The following TTC33 variants were observed in gnomAD, a reference collection of about 807,000 sequenced individuals.
TTC33 encodes tetratricopeptide repeat protein 33.
In TTC33, 24 loss-of-function variants were observed where a neutral mutation model predicts 29.4. The observed-to-expected ratio is 0.82, with a 90% CI of 0.59 to 1.15. The LOEUF is 1.15. Ranked by LOEUF, TTC33 falls within the 50% of genes most tolerant of loss-of-function variation. The pLI is 0.00. For synonymous variants in TTC33, 107 were observed against 100.3 expected, an observed-to-expected ratio of 1.07 and a Z score of -0.40; for missense variants, 286 against 310.4, an observed-to-expected ratio of 0.92 and a Z score of 0.59.
rs1050716531 is a variant in TTC33, at chr5:40,716,452, G to C, written c.482C>G (p.Pro161Arg). ...AGAGAGGTCTTCTTTCCATATTTCAGGGTTCATTGGATAGATGTGAAGGGC... is the reference window on the plus strand; with the variant it reads ...AGAGAGGTCTTCTTTCCATATTTCACGGTTCATTGGATAGATGTGAAGGGC... ...QVALHIYPMN[P>R]EIWKEDLSWA... Residue 161 changes from proline to arginine, a missense_variant, in exon 5 of 5, where the codon CCT becomes CGT. Physicochemically the swap from Pro to Arg is moderately radical, Grantham distance 103 (BLOSUM62 -2). Coordinates refer to ENST00000337702, the MANE Select transcript of TTC33 (RefSeq NM_012382.3). 6.2e-7 allele frequency: 1 copy of C among 1,613,310 alleles called. No individual in the cohort carries two copies. The highest frequency in any genetic ancestry group is 8.5e-7 in the Non-Finnish European group (1 of 1,179,866).
chr5:40,739,374 C>A (rs1478957206), intron 2 of TTC33, among the ~76,000 whole-genome samples: 1 of 152,134 alleles, frequency 6.6e-6, no homozygotes, highest in Non-Finnish European at 1.5e-5. Context: ...ATACTATCTT[C>A]CAATCTATGA....
At chr5:40,752,852 G>A (rs1198955438) in intron 1 of TTC33, among the ~76,000 whole-genome samples, 1 of 152,142 alleles carries the variant, frequency 6.6e-6, no homozygotes, top group Non-Finnish European at 1.5e-5. Context: ...CTTGCAATGT[G>A]CAAAAACGCA....
intron 2 of TTC33, among the ~76,000 whole-genome samples, chr5:40,732,927 T>G (rs541762568): frequency 6.6e-6 from 1 of 152,190 alleles, no homozygotes; most frequent in Non-Finnish European, 1.5e-5. Flanking sequence ...AGATTCTATC[T>G]ACCTCATTTG....
intron 2 of TTC33, among the ~76,000 whole-genome samples, chr5:40,735,167 A>C (rs1477496219): frequency 6.6e-6 from 1 of 152,240 alleles, no homozygotes; most frequent in East Asian, 1.9e-4. Flanking sequence ...AGCCATAGTT[A>C]TGCATGTGGA....
At chr5:40,748,340 G>C (rs1742837342) in intron 1 of TTC33, among the ~76,000 whole-genome samples, 1 of 152,122 alleles carries the variant, frequency 6.6e-6, no homozygotes, top group African/African-American at 2.4e-5. Flanking sequence ...GGGATTACAG[G>C]CATGCGTCAC....
chr5:40,720,093 A>G (rs1354157402), intron 4 of TTC33, among the ~76,000 whole-genome samples: 1 of 152,188 alleles, frequency 6.6e-6, no homozygotes, highest in East Asian at 1.9e-4. Context: ...TTCCAATGTC[A>G]TATCTAAAAA....
chr5:40,753,999 C>T (rs1380390122), intron 1 of TTC33, among the ~76,000 whole-genome samples: 6 of 151,886 alleles, frequency 4.0e-5, no homozygotes, highest in African/African-American at 1.5e-4. Context: ...AAGTGAGAAA[C>T]AGACCCACAC....
intron 4 of TTC33, among the ~76,000 whole-genome samples, chr5:40,724,721 C>A (rs1294047095): frequency 6.6e-6 from 1 of 151,976 alleles, no homozygotes; most frequent in African/African-American, 2.4e-5. Flanking sequence ...AAACTCAATT[C>A]TTAAGTGTCA....
chr5:40,752,380 G>A (rs1742912490), intron 1 of TTC33, among the ~76,000 whole-genome samples: 1 of 152,210 alleles, frequency 6.6e-6, no homozygotes, highest in South Asian at 2.1e-4. Flanking sequence ...TGGTGCAAGA[G>A]GCCTAGCTTT....
At chr5:40,734,618 G>A (rs1426948976) in intron 2 of TTC33, among the ~76,000 whole-genome samples, 1 of 152,180 alleles carries the variant, frequency 6.6e-6, no homozygotes, top group Non-Finnish European at 1.5e-5. Flanking sequence ...AATGTGTTTA[G>A]CTACTTTACT....
intron 1 of TTC33, among the ~76,000 whole-genome samples, chr5:40,751,077 G>A (rs929172952): frequency 6.6e-6 from 1 of 152,172 alleles, no homozygotes; most frequent in Admixed American, 6.5e-5. Flanking sequence ...TATTCCTAAT[G>A]GTTATCTAGA....
At chr5:40,735,531 T>G (rs1039394346) in intron 2 of TTC33, among the ~76,000 whole-genome samples, 10 of 152,184 alleles carry the variant, frequency 6.6e-5, no homozygotes, top group Non-Finnish European at 1.5e-4. Context: ...AAATCTTTAT[T>G]GAGTGGATAG....
chr5:40,718,716 C>T (rs988697865), intron 4 of TTC33, among the ~76,000 whole-genome samples: 6 of 150,782 alleles, frequency 4.0e-5, no homozygotes, highest in African/African-American at 9.8e-5. Flanking sequence ...TCAGCCTGGG[C>T]GACAGAGCAA....
intron 4 of TTC33, among the ~76,000 whole-genome samples, chr5:40,723,511 T>C (rs1221040173): frequency 1.4e-5 from 1 of 69,634 alleles, no homozygotes; most frequent in Admixed American, 1.7e-4. Context: ...CTAACTCAAA[T>C]TAAAAAAAAA....
chr5:40,739,330 A>C (rs1742643000), intron 2 of TTC33, among the ~76,000 whole-genome samples: 1 of 152,234 alleles, frequency 6.6e-6, no homozygotes, highest in Non-Finnish European at 1.5e-5. Context: ...CTGAGTTTAC[A>C]GATCAATTTC....
At position 40,739,333 on chromosome 5, in the gene TTC33, T is replaced by C. The variant is rs186286133; in HGVS notation, c.221+7465A>G. 4.2e-3 allele frequency among the ~76,000 whole-genome samples: 633 copies of C among 152,312 alleles called. 3 individuals are homozygous for C. Among genetic ancestry groups the C allele is most frequent in the African/African-American group, 0.015 (607 of 41,564 alleles). The stretch of plus-strand genomic sequence containing the variant: ...ATTGGAATTGCACTGAGTTTACAGA[T>C]CAATTTCGGGAGAACTGATGTATTA... On this transcript the variant is annotated intron_variant, in intron 2 of 4. Coordinates refer to ENST00000337702, the MANE Select transcript of TTC33 (RefSeq NM_012382.3).
At chr5:40,755,553 G>A (rs1742969697) in intron 1 of TTC33, among the ~76,000 whole-genome samples, 1 of 152,198 alleles carries the variant, frequency 6.6e-6, no homozygotes, top group African/African-American at 2.4e-5. Flanking sequence ...GCGCAGCTCC[G>A]CGAAGGTGCC....
rs1741972293 is a variant in TTC33, at chr5:40,715,107, T to G, written c.*1038A>C. 6.6e-6 allele frequency: 1 copy of G among 152,094 alleles called. No homozygotes were observed. Among genetic ancestry groups the G allele is most frequent in the Non-Finnish European group, 1.5e-5 (1 of 67,964 alleles). 9.4% of individuals were successfully genotyped at this position (152,094 alleles called of 1,614,324 possible). On this transcript the variant is annotated 3_prime_UTR_variant, in exon 5 of 5. Coordinates refer to ENST00000337702, the MANE Select transcript of TTC33 (RefSeq NM_012382.3). ...TTCTATGTATTTTGTGCTTAAGTTA[T>G]TTATTCATTGGCACTCTAATAACAG...
At chr5:40,741,937 C>T (rs1045513600) in intron 2 of TTC33, among the ~76,000 whole-genome samples, 5 of 151,802 alleles carry the variant, frequency 3.3e-5, no homozygotes, top group Non-Finnish European at 7.4e-5. Flanking sequence ...TACAGTGAGC[C>T]GAGATCATGC....
Sources: allele counts gnomAD v4.1 joint callset (sites outside exome capture counted in the v4.1 genomes callset), GRCh38; gene constraint gnomAD v4.1.1; transcripts MANE v1.5; gene names NCBI Gene and HGNC (gene_info 2026-07-23, HGNC 2026-07-21).